SYK: variants seen among roughly 807,000 people sequenced by gnomAD.
SYK encodes the protein tyrosine-protein kinase SYK.
In SYK, 16 loss-of-function variants were observed where a neutral mutation model predicts 77.8. The ratio of observed to expected loss-of-function variants is 0.21; its 90% CI spans 0.14 to 0.31. The LOEUF (loss-of-function observed/expected upper bound fraction) is 0.31. Ranked by LOEUF, SYK falls within the 10% of genes least tolerant of loss-of-function variation. The pLI is 1.00. For synonymous variants in SYK, 312 were observed against 308.7 expected, an observed-to-expected ratio of 1.01 and a Z score of -0.11; for missense variants, 529 against 814.4, an observed-to-expected ratio of 0.65 and a Z score of 4.26.
At chr9:90,853,586 T>C (rs996013771) in intron 3 of SYK, among the ~76,000 whole-genome samples, 4 of 151,740 alleles carry the variant, frequency 2.6e-5, no homozygotes, top group South Asian at 2.1e-4. Context: ...ACGGATGAAA[T>C]TGGAAATCAT....
chr9:90,872,205 G>A (rs1353223016), intron 7 of SYK, among the ~76,000 whole-genome samples: 5 of 152,218 alleles, frequency 3.3e-5, no homozygotes, highest in African/African-American at 1.2e-4. Context: ...CTGGTCTGGA[G>A]AACATTCTGT....
intron 12 of SYK, 85 bp downstream of exon 12, chr9:90,887,974 C>T: frequency 6.9e-7 from 1 of 1,447,700 alleles, no homozygotes; most frequent in Non-Finnish European, 9.2e-7. Flanking sequence ...CCTGAAAATC[C>T]TAATCTGAGT....
chr9:90,845,680 C>G (rs1359166467), intron 3 of SYK, 86 bp downstream of exon 3: 1 of 1,511,256 alleles, frequency 6.6e-7, no homozygotes, highest in Non-Finnish European at 9.0e-7. Flanking sequence ...TGACTGGCCC[C>G]ACATGACCCT....
At chr9:90,818,554 G>A (rs141274294) in intron 1 of SYK, among the ~76,000 whole-genome samples, 1 of 152,302 alleles carries the variant, frequency 6.6e-6, no homozygotes, top group East Asian at 1.9e-4. Flanking sequence ...AAGGAAGCAT[G>A]GGAGCCCAGC....
intron 13 of SYK, among the ~76,000 whole-genome samples, chr9:90,891,127 A>T (rs1040372929): frequency 6.9e-6 from 1 of 145,174 alleles, no homozygotes. Context: ...TCCTTGGCCG[A>T]CGCCATGTTG....
intron 1 of SYK, among the ~76,000 whole-genome samples, chr9:90,812,739 A>ATGTGTGTGTG (rs1491224481): frequency 1.7e-4 from 16 of 94,164 alleles, no homozygotes; most frequent in Admixed American, 5.5e-4. Context: ...TCCCCATTTG[A>ATGTGTGTGTG]TATGTGTGTG....
chr9:90,855,184 A>G (rs946227268), intron 3 of SYK, among the ~76,000 whole-genome samples: 1 of 152,208 alleles, frequency 6.6e-6, no homozygotes, highest in East Asian at 1.9e-4. Context: ...ATATGTCTTT[A>G]GGAACTGTCT....
chr9:90,882,485 C>T (rs865840934), intron 11 of SYK, among the ~76,000 whole-genome samples: 7 of 152,342 alleles, frequency 4.6e-5, no homozygotes, highest in Middle Eastern at 3.4e-3. Context: ...AACCAGACTC[C>T]GCTGTGTGCC....
intron 3 of SYK, among the ~76,000 whole-genome samples, chr9:90,859,679 A>G (rs950980840): frequency 2.0e-5 from 3 of 152,310 alleles, no homozygotes; most frequent in African/African-American, 7.2e-5. Flanking sequence ...ATTGTTTTCC[A>G]AAGTGGGTGA....
Position 90,895,471 on chromosome 9 carries a change from G to T in SYK, c.1836-57G>T. 6.3e-7 allele frequency: 1 copy of T among 1,590,434 alleles called. No individual in the cohort carries two copies. Among genetic ancestry groups the T allele is most frequent in the South Asian group, 1.1e-5 (1 of 90,452 alleles). On this transcript the variant is annotated intron_variant, in intron 13 of 13. Coordinates refer to ENST00000375754, the MANE Select transcript of SYK (RefSeq NM_003177.7). This position sits in a 1 kb window ranked among gnomAD's most constrained non-coding sequence, Gnocchi z 4.4. Reference sequence around the variant, plus strand: ...CTCAGCCTGCAGAGGCCCTGCTTGTGATCAGCAATTTTTCACAAGCACATT... The same window carrying T: ...CTCAGCCTGCAGAGGCCCTGCTTGTTATCAGCAATTTTTCACAAGCACATT...
chr9:90,803,929 C>T (rs1045716663), intron 1 of SYK, among the ~76,000 whole-genome samples: 1 of 151,698 alleles, frequency 6.6e-6, no homozygotes, highest in African/African-American at 2.4e-5. Context: ...TGAATATTCT[C>T]ACTAAGTGGA....
chr9:90,808,757 C>G (rs1443839764), intron 1 of SYK, among the ~76,000 whole-genome samples: 1 of 152,108 alleles, frequency 6.6e-6, no homozygotes, highest in Non-Finnish European at 1.5e-5. Flanking sequence ...CTCCCTGTTC[C>G]TCCCTCAGGT....
chr9:90,829,732 A>G (rs970536794), intron 1 of SYK, among the ~76,000 whole-genome samples: 1 of 152,238 alleles, frequency 6.6e-6, no homozygotes, highest in South Asian at 2.1e-4. Flanking sequence ...GAATGAATCA[A>G]TCAGTTAGAT....
chr9:90,858,159 T>C (rs1408736756), intron 3 of SYK, among the ~76,000 whole-genome samples: 5 of 151,966 alleles, frequency 3.3e-5, no homozygotes, highest in African/African-American at 9.7e-5. Context: ...AGTAGAGGAG[T>C]CCAGCCCTTC....
intron 11 of SYK, among the ~76,000 whole-genome samples, chr9:90,879,682 A>G (rs1159257823): frequency 2.0e-5 from 3 of 152,260 alleles, no homozygotes; most frequent in Non-Finnish European, 4.4e-5. Flanking sequence ...AGTGCTGGAA[A>G]GAAGAGATCT....
At chr9:90,842,280 T>C (rs1398000955) in intron 1 of SYK, among the ~76,000 whole-genome samples, 1 of 150,356 alleles carries the variant, frequency 6.7e-6, no homozygotes, top group African/African-American at 2.5e-5. Context: ...GTTCGTAGTG[T>C]GTGTGGCATG....
chr9:90,884,965 G>GTGTA lies in SYK; in HGVS notation c.1582-2783_1582-2782insGTAT, dbSNP rs749947178. On this transcript the variant is annotated intron_variant, in intron 11 of 13. Coordinates refer to ENST00000375754, the MANE Select transcript of SYK (RefSeq NM_003177.7). ...TGTATATATATACACACATATATGT[G>GTGTA]TATATATATATATACCCAACATATA... Among the ~76,000 whole-genome samples, 14 of 80,636 alleles carry GTGTA rather than the reference G, an allele frequency of 1.7e-4. 1 individual carries two copies. The East Asian group carries it at 3.9e-3, about 22-fold the overall frequency. 52.9% of individuals were successfully genotyped at this position (80,636 alleles called of 152,430 possible). A position where few individuals can be genotyped will look rare whatever the true frequency, so the allele number is the denominator to read the frequency against.
rs551276442 is a variant in SYK, at chr9:90,834,719, A to G, written c.-41-9139A>G. On this transcript the variant is annotated intron_variant, in intron 1 of 13. Transcript: ENST00000375754. ...TGAATGTGGCCCAACTAAAATTTGT[A>G]AGCTTTCTTAGAACATTATGAGATT... Among the ~76,000 whole-genome samples the G allele has an allele frequency of 2.0e-5, 3 of 152,292 alleles. 1 individual carries two copies. The South Asian group carries it at 6.2e-4, about 32-fold the overall frequency.
At chr9:90,838,824 TC>T (rs1826181141) in intron 1 of SYK, among the ~76,000 whole-genome samples, 1 of 152,214 alleles carries the variant, frequency 6.6e-6, no homozygotes, top group Non-Finnish European at 1.5e-5. Context: ...CATGAGCTGT[TC>T]CTGTAGTCAG....
Sources: gnomAD v4.1 joint callset for allele counts (sites outside exome capture counted in the v4.1 genomes callset) on GRCh38, gnomAD v4.1.1 for gene constraint, Gnocchi (gnomAD v3.1) non-coding constraint, MANE v1.5 for transcripts, NCBI Gene and HGNC (gene_info 2026-07-23, HGNC 2026-07-21) for gene names.